Variants in SLC1A4 observed in about 807,000 individuals in gnomAD.
The protein encoded by SLC1A4 is solute carrier family 1 member 4.
SLC1A4 carries 19 observed loss-of-function variants against 37.7 expected under a neutral mutation model. The ratio of observed to expected loss-of-function variants is 0.50; its 90% confidence interval spans 0.35 to 0.74. The LOEUF (loss-of-function observed/expected upper bound fraction) is 0.74. SLC1A4 is among the 30% of genes least tolerant of loss of function. The pLI is 0.01. For missense variants in SLC1A4, 570 were observed against 712.9 expected (o/e 0.80, Z 2.28); for synonymous variants, 299 against 309.8 (o/e 0.97, Z 0.37).
chr2:65,008,520 A>G (rs1673776370), intron 3 of SLC1A4, among the ~76,000 whole-genome samples: 1 of 152,212 alleles, frequency 6.6e-6, no homozygotes, highest in Admixed American at 6.5e-5. Flanking sequence ...ACATGCTTGT[A>G]GTCCCAGCTA....
At position 65,021,226 on chromosome 2, in the gene SLC1A4, C is replaced by T; in HGVS notation, c.*80C>T. On this transcript the variant is annotated 3_prime_UTR_variant, in exon 8 of 8. Coordinates refer to ENST00000234256, the MANE Select transcript of SLC1A4 (RefSeq NM_003038.5). Reference sequence around the variant, plus strand: ...AGCCGCCAGTCATGGACACAGGGCACTGCCCTTGCCAACTTTTACCCTCCC... The same window carrying T: ...AGCCGCCAGTCATGGACACAGGGCATTGCCCTTGCCAACTTTTACCCTCCC... 8.6e-7 allele frequency: 1 copy of T among 1,156,180 alleles called. No homozygotes were observed. Among genetic ancestry groups the T allele is most frequent in the East Asian group, 2.4e-5 (1 of 41,262 alleles). The allele number at this position is 1,156,180 out of a possible 1,614,324, so 71.6% of individuals were successfully genotyped here.
intron 4 of SLC1A4, among the ~76,000 whole-genome samples, chr2:65,015,344 TA>T (rs1332739359): frequency 6.6e-6 from 1 of 152,186 alleles, no homozygotes; most frequent in East Asian, 1.9e-4. Flanking sequence ...TTTACCACAT[TA>T]AAAAATGAAT....
At position 64,989,821 on chromosome 2, in the gene SLC1A4, G is replaced by T; in HGVS notation, c.178G>T (p.Ala60Ser). Residue 60 changes from alanine (A) to serine (S), a missense_variant, in exon 1 of 8, where the codon GCG (alanine) becomes TCG (serine). Transcript: ENST00000234256. Reference protein sequence around the residue: ...SGVLAGAGLGAALRGLSLSRT... With the variant: ...SGVLAGAGLGSALRGLSLSRT... ...GGTGCTGGCGGGCGCGGGCCTGGGC[G>T]CGGCGTTGCGCGGGCTCAGCCTGAG... The T allele has an allele frequency of 2.6e-6, 4 of 1,532,784 alleles. No homozygotes were observed. Among genetic ancestry groups the T allele is most frequent in the Non-Finnish European group, 3.5e-6 (4 of 1,143,536 alleles). 94.9% of individuals were successfully genotyped at this position (1,532,784 alleles called of 1,614,324 possible). A position where few individuals can be genotyped will look rare whatever the true frequency, so the allele number is the denominator to read the frequency against.
rs200617042 is a variant in SLC1A4 at position 65,021,067 on chromosome 2, C to A, written c.1520C>A (p.Ser507Ter). 178 of 1,614,092 alleles carry A rather than the reference C, an allele frequency of 1.1e-4. 1 individual carries two copies. Among genetic ancestry groups the A allele is most frequent in the Non-Finnish European group, 1.4e-4 (171 of 1,180,040 alleles). ...IPNCKSEEET[S>*]PLVTHQNPAG... ...AACTGCAAGTCTGAGGAGGAGACAT[C>A]GCCCCTGGTGACACACCAGAACCCC... Residue 507 changes from serine (S) to a stop codon, truncating the protein, a stop_gained, in exon 8 of 8, where the codon TCG (serine) becomes TAG (stop). Coordinates refer to ENST00000234256, the MANE Select transcript of SLC1A4 (RefSeq NM_003038.5). LOFTEE classifies it high-confidence loss of function.
At chr2:64,988,489 C>A (rs578137538), upstream of SLC1A4, 1 of 152,512 alleles carries the variant, frequency 6.6e-6, no homozygotes, top group Non-Finnish European at 1.5e-5. Context: ...ATACCGCAGA[C>A]AGCTGCCTGG....
At position 65,023,593 on chromosome 2, in the gene SLC1A4, G is replaced by A. The variant is rs1178017219; in HGVS notation, c.*2447G>A. 6.6e-6 allele frequency: 1 copy of A among 152,664 alleles called. No individual in the cohort carries two copies. The highest frequency in any genetic ancestry group is 1.5e-5 in the Non-Finnish European group (1 of 68,114). 9.5% of individuals were successfully genotyped at this position (152,664 alleles called of 1,614,324 possible). A position where few individuals can be genotyped will look rare whatever the true frequency, so the allele number is the denominator to read the frequency against. ...TGGGTCTGGAGAAGGGTGCTTCCGA[G>A]AGTGTGCAGGTGGCCCTTCCCCTTG... On this transcript the variant is annotated 3_prime_UTR_variant, in exon 8 of 8. Transcript: ENST00000234256.
intron 1 of SLC1A4, chr2:65,000,692 A>T (rs950850832): frequency 2.6e-5 from 4 of 152,248 alleles, no homozygotes; most frequent in African/African-American, 7.2e-5. Context: ...AATTCAGCGT[A>T]TGTTCAAATT....
At chr2:64,995,431 T>G (rs1374344945) in intron 1 of SLC1A4, among the ~76,000 whole-genome samples, 1 of 152,232 alleles carries the variant, frequency 6.6e-6, no homozygotes, top group Non-Finnish European at 1.5e-5. Context: ...ATATGATGCA[T>G]GAATGCTGCT....
At position 65,010,729 on chromosome 2, in the gene SLC1A4, G is replaced by C; in HGVS notation, c.766G>C (p.Glu256Gln). 1 of 1,613,998 alleles carries C rather than the reference G, an allele frequency of 6.2e-7. No individual in the cohort carries two copies. Among genetic ancestry groups the C allele is most frequent in the Non-Finnish European group, 8.5e-7 (1 of 1,179,958 alleles). Residue 256 changes from glutamate to glutamine, a missense_variant, in exon 4 of 8, where the codon GAG becomes CAG. Transcript: ENST00000234256. ...DLIRFFNSLN[E>Q]ATMVLVSWIM... ...CATCCGTTTCTTCAATTCCCTCAAC[G>C]AGGCGACGATGGTGCTGGTGTCCTG...
chr2:65,018,006 C>T lies in SLC1A4; in HGVS notation c.1035-65C>T. 6.9e-7 allele frequency: 1 copy of T among 1,448,752 alleles called. No homozygotes were observed. The highest frequency in any genetic ancestry group is 1.8e-5 in the Admixed American group (1 of 56,508). The allele number at this position is 1,448,752 out of a possible 1,614,324, so 89.7% of individuals were successfully genotyped here. ...AATTGCTCTGTTCTGGGGTCTGAGA[C>T]AAGACACATGTTAGCCTGCCTCGGA... On this transcript the variant is annotated intron_variant, in intron 5 of 7. Transcript: ENST00000234256. This position sits in a 1 kb window ranked among gnomAD's most constrained non-coding sequence, Gnocchi z 4.3.
intron 3 of SLC1A4, among the ~76,000 whole-genome samples, chr2:65,004,484 C>T (rs1042071290): frequency 6.6e-6 from 1 of 151,438 alleles, no homozygotes; most frequent in Non-Finnish European, 1.5e-5. Flanking sequence ...ACAAGAGTTT[C>T]ACCATGTTGT....
intron 7 of SLC1A4, among the ~76,000 whole-genome samples, chr2:65,019,201 A>G (rs1264380697): frequency 2.0e-5 from 3 of 152,180 alleles, no homozygotes; most frequent in Non-Finnish European, 2.9e-5. Context: ...TGAAGACACA[A>G]AACAGTTTCT....
Position 64,989,412 on chromosome 2 carries a change from G to A in SLC1A4, c.-232G>A. The A allele has an allele frequency of 2.6e-6, 1 of 380,746 alleles. No individual in the cohort carries two copies. Among genetic ancestry groups the A allele is most frequent in the South Asian group, 1.1e-4 (1 of 8,744 alleles). 23.6% of individuals were successfully genotyped at this position (380,746 alleles called of 1,614,324 possible). ...CCCGTTTGCATCATCTCCAGCCGGC[G>A]GCTGCTCCAGGGAGGCTGGGCGCGA... On this transcript the variant is annotated 5_prime_UTR_variant, in exon 1 of 8. Transcript: ENST00000234256.
chr2:65,018,046 G>A lies in SLC1A4; in HGVS notation c.1035-25G>A, dbSNP rs768649034. The A allele has an allele frequency of 8.7e-6, 14 of 1,605,796 alleles. No individual in the cohort carries two copies. In the East Asian group the frequency reaches 2.7e-4, roughly 31 times the overall value. The stretch of plus-strand genomic sequence containing the variant: ...CCTGCCTCGGACTGTTGTCATGTCT[G>A]GCGGTTTGTTTTTCCCATTTCTAGC... On this transcript the variant is annotated intron_variant, in intron 5 of 7. Coordinates refer to ENST00000234256, the MANE Select transcript of SLC1A4 (RefSeq NM_003038.5). This position sits in a 1 kb window ranked among gnomAD's most constrained non-coding sequence, Gnocchi z 4.3.
At chr2:65,004,672 A>T (rs2422358) in intron 3 of SLC1A4, among the ~76,000 whole-genome samples, 78,918 of 151,542 alleles carry the variant, frequency 0.52, 21,592 homozygotes, top group East Asian at 0.81. Flanking sequence ...ATTACATTTT[A>T]AAAAAATCAA....
chr2:64,997,264 T>C (rs959533451), intron 1 of SLC1A4, among the ~76,000 whole-genome samples: 27 of 152,218 alleles, frequency 1.8e-4, no homozygotes, highest in African/African-American at 6.5e-4. Flanking sequence ...AATGTACGTA[T>C]TTTTTAGTTG....
At chr2:65,000,984 C>A (rs551898278) in intron 1 of SLC1A4, 1 of 153,394 alleles carries the variant, frequency 6.5e-6, no homozygotes, top group South Asian at 2.0e-4. Flanking sequence ...TGGTGCCTAA[C>A]CTCTAGGTGA....
At position 65,003,256 on chromosome 2, in the gene SLC1A4, C is replaced by T. The variant is rs374110734; in HGVS notation, c.571-697C>T. Among the ~76,000 whole-genome samples the T allele has an allele frequency of 2.9e-4, 44 of 152,280 alleles. No individual in the cohort carries two copies. In the South Asian group the frequency reaches 7.2e-3, roughly 25 times the overall value. On this transcript the variant is annotated intron_variant, in intron 2 of 7. Transcript: ENST00000234256. Reference sequence around the variant, plus strand: ...GACAGTTCAAGGACCAGGTGCCCTTCGAAGGGGCCAGGAAGGACTGTACTA... The same window carrying T: ...GACAGTTCAAGGACCAGGTGCCCTTTGAAGGGGCCAGGAAGGACTGTACTA...
chr2:65,016,546 T>A lies in SLC1A4; in HGVS notation c.907T>A (p.Leu303Met), dbSNP rs139389995. 2 of 1,614,192 alleles carry A rather than the reference T, an allele frequency of 1.2e-6. No individual in the cohort carries two copies. Among genetic ancestry groups the A allele is most frequent in the Non-Finnish European group, 1.7e-6 (2 of 1,180,004 alleles). ...GGGGAAATACATCTTCGCATCTATA[T>A]TGGGCCATGTTATTCATGGAGGAAT... is the stretch of plus-strand genomic sequence containing the variant. ...SLGKYIFASI[L>M]GHVIHGGIVL... Residue 303 changes from leucine (L) to methionine (M), a missense_variant, in exon 5 of 8, where the codon TTG becomes ATG. Transcript: ENST00000234256.
Sources: allele counts gnomAD v4.1 joint callset (sites outside exome capture counted in the v4.1 genomes callset), GRCh38; gene constraint gnomAD v4.1.1; non-coding constraint Gnocchi (gnomAD v3.1); transcripts MANE v1.5; gene names NCBI Gene and HGNC (gene_info 2026-07-23, HGNC 2026-07-21).